The following PTPRD variants were observed in gnomAD, a reference collection of about 807,000 sequenced individuals.
PTPRD encodes the protein protein tyrosine phosphatase receptor type D, also known as receptor-type tyrosine-protein phosphatase delta.
PTPRD carries 34 observed loss-of-function variants against 214.5 expected under a neutral mutation model. That is an observed-to-expected ratio of 0.16 (90% CI 0.12 to 0.21). The LOEUF (loss-of-function observed/expected upper bound fraction) is 0.21, where lower values mean the gene tolerates loss of function less well. Ranked by LOEUF, PTPRD falls within the 10% of genes least tolerant of loss-of-function variation. The pLI is 1.00. For synonymous variants in PTPRD, 1,128 were observed against 845.7 expected (o/e 1.33, Z -5.79); for missense variants, 2,545 against 2,398.7 (o/e 1.06, Z -1.27).
At chr9:10,412,490 A>G (rs186910174) in intron 2 of PTPRD, among the ~76,000 whole-genome samples, 1 of 151,736 alleles carries the variant, frequency 6.6e-6, no homozygotes, top group Non-Finnish European at 1.5e-5. Flanking sequence ...TACCAGACCT[A>G]TGTAAAGAGC....
chr9:10,304,239 G>A (rs980951654), intron 3 of PTPRD, among the ~76,000 whole-genome samples: 3 of 151,868 alleles, frequency 2.0e-5, no homozygotes, highest in Non-Finnish European at 4.4e-5. Flanking sequence ...CTCTCAATAC[G>A]CTAGGTACTG....
chr9:9,520,527 CT>C (rs898186496), intron 8 of PTPRD, among the ~76,000 whole-genome samples: 2 of 152,000 alleles, frequency 1.3e-5, no homozygotes, highest in Non-Finnish European at 2.9e-5. Flanking sequence ...AATACAGTGT[CT>C]TTTTTCTACT....
chr9:9,333,796 A>T (rs1247679289), intron 9 of PTPRD, among the ~76,000 whole-genome samples: 1 of 151,842 alleles, frequency 6.6e-6, no homozygotes, highest in Non-Finnish European at 1.5e-5. Flanking sequence ...TAATTTGTAG[A>T]TGTGGTTGGA....
intron 7 of PTPRD, among the ~76,000 whole-genome samples, chr9:9,622,222 A>C (rs1480054818): frequency 6.6e-6 from 1 of 152,202 alleles, no homozygotes; most frequent in Non-Finnish European, 1.5e-5. Flanking sequence ...TTTAACACTC[A>C]TTAAACACAA....
At chr9:10,294,008 G>A (rs1176050891) in intron 3 of PTPRD, among the ~76,000 whole-genome samples, 1 of 151,884 alleles carries the variant, frequency 6.6e-6, no homozygotes, top group Non-Finnish European at 1.5e-5. Context: ...CATTACTTAT[G>A]GCATATTCTG....
intron 2 of PTPRD, among the ~76,000 whole-genome samples, chr9:10,415,600 G>C (rs1412858975): frequency 6.6e-6 from 1 of 151,872 alleles, no homozygotes; most frequent in African/African-American, 2.4e-5. Context: ...CCTAGAGCTA[G>C]GCAATTAGAA....
intron 7 of PTPRD, among the ~76,000 whole-genome samples, chr9:9,627,568 G>A (rs1044509662): frequency 4.6e-5 from 7 of 152,250 alleles, no homozygotes; most frequent in Non-Finnish European, 7.4e-5. Flanking sequence ...GTGAGGTAAC[G>A]ATAAAGTGTA....
At chr9:9,550,533 T>C (rs996360724) in intron 8 of PTPRD, among the ~76,000 whole-genome samples, 1 of 148,830 alleles carries the variant, frequency 6.7e-6, no homozygotes, top group East Asian at 1.9e-4. Context: ...GTATTATGTA[T>C]AGTATAGCAT....
chr9:9,194,289 G>C (rs1002130996), intron 9 of PTPRD, among the ~76,000 whole-genome samples: 3 of 152,086 alleles, frequency 2.0e-5, no homozygotes, highest in Admixed American at 6.6e-5. Flanking sequence ...TTAACTTTTT[G>C]TTTATAGGTG....
At chr9:10,360,138 T>G (rs1394458739) in intron 2 of PTPRD, among the ~76,000 whole-genome samples, 1 of 152,256 alleles carries the variant, frequency 6.6e-6, no homozygotes, top group African/African-American at 2.4e-5. Context: ...TACTGAATTT[T>G]ATGTGATACA....
At chr9:9,360,252 T>C (rs928454271) in intron 9 of PTPRD, among the ~76,000 whole-genome samples, 77 of 134,332 alleles carry the variant, frequency 5.7e-4, no homozygotes, top group Non-Finnish European at 2.5e-4. Flanking sequence ...GTATAATAGA[T>C]GGGAAAAAAA....
At chr9:8,995,584 G>T (rs2099393580) in intron 11 of PTPRD, among the ~76,000 whole-genome samples, 1 of 151,938 alleles carries the variant, frequency 6.6e-6, no homozygotes, top group Admixed American at 6.6e-5. Flanking sequence ...TCTTGAATAA[G>T]CATTATTCAA....
chr9:9,359,239 G>A (rs1450298752), intron 9 of PTPRD, among the ~76,000 whole-genome samples: 5 of 151,200 alleles, frequency 3.3e-5, no homozygotes, highest in Admixed American at 6.6e-5. Context: ...GAGGTCTAAG[G>A]TTAAAATCTC....
intron 3 of PTPRD, among the ~76,000 whole-genome samples, chr9:10,118,369 G>A (rs2098748267): frequency 6.6e-6 from 1 of 151,312 alleles, no homozygotes; most frequent in African/African-American, 2.4e-5. Context: ...CATGCCAAAA[G>A]AAATAATATA....
intron 3 of PTPRD, among the ~76,000 whole-genome samples, chr9:10,162,486 T>A (rs2099133157): frequency 6.6e-6 from 1 of 150,712 alleles, no homozygotes; most frequent in African/African-American, 2.4e-5. Flanking sequence ...ATGTGGGAGC[T>A]AAAAAAGGAG....
chr9:8,696,727 G>A (rs1278403925), intron 12 of PTPRD, among the ~76,000 whole-genome samples: 1 of 152,214 alleles, frequency 6.6e-6, no homozygotes, highest in Non-Finnish European at 1.5e-5. Flanking sequence ...CAGAAGCTAG[G>A]TCAACCAACG....
chr9:9,634,147 C>G (rs1213117560), intron 7 of PTPRD, among the ~76,000 whole-genome samples: 2 of 152,140 alleles, frequency 1.3e-5, no homozygotes, highest in Admixed American at 6.6e-5. Flanking sequence ...TCTACATCAT[C>G]ATAAAGGGAT....
intron 35 of PTPRD, among the ~76,000 whole-genome samples, chr9:8,426,468 C>T (rs1005583901): frequency 1.3e-5 from 2 of 152,048 alleles, no homozygotes; most frequent in Non-Finnish European, 1.5e-5. Context: ...TTTTTCAGTC[C>T]TTGCTATGGT....
At chr9:9,752,248 T>A (rs1397039498) in intron 6 of PTPRD, among the ~76,000 whole-genome samples, 1 of 152,002 alleles carries the variant, frequency 6.6e-6, no homozygotes, top group African/African-American at 2.4e-5. Context: ...GCACAAGTAA[T>A]TGAGAGGAAA....
Sources: gnomAD v4.1 joint callset for allele counts (sites outside exome capture counted in the v4.1 genomes callset) on GRCh38, gnomAD v4.1.1 for gene constraint, MANE v1.5 for transcripts, NCBI Gene and HGNC (gene_info 2026-07-23, HGNC 2026-07-21) for gene names.